CPXM2: variants seen among roughly 807,000 people sequenced by gnomAD.
The protein encoded by CPXM2 is inactive carboxypeptidase-like protein X2.
CPXM2 carries 66 observed loss-of-function variants against 86.1 expected under a neutral mutation model. That is an observed-to-expected ratio of 0.77 (90% CI 0.63 to 0.94). The LOEUF is 0.94. Ranked by LOEUF, CPXM2 falls within the 40% of genes least tolerant of loss-of-function variation. CPXM2 has a pLI of 0.00. For missense variants in CPXM2, 948 were observed against 1,026.3 expected, an observed-to-expected ratio of 0.92 and a Z score of 1.04; for synonymous variants, 388 against 400.2, an observed-to-expected ratio of 0.97 and a Z score of 0.36.
At chr10:123,904,328 C>T (rs914868338) in intron 2 of CPXM2, among the ~76,000 whole-genome samples, 23 of 152,104 alleles carry the variant, frequency 1.5e-4, no homozygotes, top group African/African-American at 5.1e-4. Context: ...GACACGCAGG[C>T]GCAGTGGGTA....
At chr10:123,752,986 C>T (rs982234455) in intron 13 of CPXM2, among the ~76,000 whole-genome samples, 1 of 152,068 alleles carries the variant, frequency 6.6e-6, no homozygotes, top group Non-Finnish European at 1.5e-5. Context: ...AGACATGCCA[C>T]GGGGAAGGGA....
intron 2 of CPXM2, among the ~76,000 whole-genome samples, chr10:123,918,078 G>A (rs370104061): frequency 2.4e-4 from 37 of 152,286 alleles, no homozygotes; most frequent in African/African-American, 6.7e-4. Context: ...TATGGGCAGC[G>A]CATTCCAATC....
At chr10:123,794,734 CGTGT>C (rs142855432) in intron 6 of CPXM2, among the ~76,000 whole-genome samples, 1,557 of 141,256 alleles carry the variant, frequency 0.011, 12 homozygotes, top group Admixed American at 0.02. Flanking sequence ...TATTTAAGAC[CGTGT>C]GTGTGTGTGT....
chr10:123,785,077 C>T (rs1178265097), intron 6 of CPXM2, among the ~76,000 whole-genome samples: 1 of 152,210 alleles, frequency 6.6e-6, no homozygotes. Flanking sequence ...TCTTGAGCCC[C>T]TATGCTCAGG....
At chr10:123,872,170 C>A (rs750648130) in intron 2 of CPXM2, among the ~76,000 whole-genome samples, 1 of 152,108 alleles carries the variant, frequency 6.6e-6, no homozygotes, top group Non-Finnish European at 1.5e-5. Flanking sequence ...TGTGATCCAG[C>A]AATTCTTATA....
Position 123,761,896 on chromosome 10 carries a change from C to T in CPXM2, c.1753G>A (p.Ala585Thr), listed in dbSNP as rs145963968. 1 of 1,613,512 alleles carries T rather than the reference C, an allele frequency of 6.2e-7. No homozygotes were observed. The highest frequency in any genetic ancestry group is 8.5e-7 in the Non-Finnish European group (1 of 1,179,852). ...CTTCCAGCGACGGTGTGCCAGGAGGCCCCATTGACAGTGCCCTCCTCCTTC... is the reference window on the plus strand; with the variant it reads ...CTTCCAGCGACGGTGTGCCAGGAGGTCCCATTGACAGTGCCCTCCTCCTTC... The part of the protein sequence containing the change: ...FQKEEGTVNG[A>T]SWHTVAGSLN... Residue 585 changes from alanine (A) to threonine (T), a missense_variant, in exon 11 of 14, where the codon GCC becomes ACC. Ala to Thr is a moderately conservative substitution (Grantham distance 58). Coordinates refer to ENST00000241305, the MANE Select transcript of CPXM2 (RefSeq NM_198148.3).
chr10:123,748,122 T>C (rs1166558951), intron 13 of CPXM2, among the ~76,000 whole-genome samples: 2 of 151,976 alleles, frequency 1.3e-5, no homozygotes, highest in African/African-American at 4.8e-5. Context: ...TCCAAGTGAC[T>C]CTGTGATGCA....
At chr10:123,851,051 C>A (rs1183222379) in intron 3 of CPXM2, among the ~76,000 whole-genome samples, 2 of 152,146 alleles carry the variant, frequency 1.3e-5, no homozygotes, top group African/African-American at 4.8e-5. Context: ...GTCTGTGCAT[C>A]CTGTCTCATT....
chr10:123,805,649 A>T (rs1257213442), intron 4 of CPXM2, among the ~76,000 whole-genome samples: 1 of 152,172 alleles, frequency 6.6e-6, no homozygotes, highest in African/African-American at 2.4e-5. Context: ...TTCTATGTGC[A>T]CTTGAAAACA....
intron 4 of CPXM2, among the ~76,000 whole-genome samples, chr10:123,816,318 T>C (rs368471586): frequency 8.5e-5 from 13 of 152,284 alleles, no homozygotes; most frequent in Admixed American, 2.0e-4. Context: ...AACCCCCACA[T>C]TGGCTCCCTG....
chr10:123,904,388 G>A (rs1321484337), intron 2 of CPXM2, among the ~76,000 whole-genome samples: 1 of 152,148 alleles, frequency 6.6e-6, no homozygotes, highest in Non-Finnish European at 1.5e-5. Flanking sequence ...GCTATGTCCT[G>A]GAGCAGTCAC....
At chr10:123,940,681 G>A (rs1347826321), upstream of CPXM2, among the ~76,000 whole-genome samples, 6 of 152,286 alleles carry the variant, frequency 3.9e-5, no homozygotes, top group Non-Finnish European at 5.9e-5. Context: ...TTAAACCAAC[G>A]CTGAGTTGTT....
rs781144431 is a variant in CPXM2, at chr10:123,842,385, G to C, written c.617C>G (p.Thr206Ser). The C allele has an allele frequency of 3.1e-6, 5 of 1,614,158 alleles. No homozygotes were observed. In the African/African-American group the frequency reaches 4.0e-5, roughly 13 times the overall value. ...EVDARRLTRF[T>S]GVITQGRNSL... ...GTTCCTCCCTTGAGTGATGACACCAGTGAATCTGGTCAGGCGCCGAGCATC... is the reference window on the plus strand; with the variant it reads ...GTTCCTCCCTTGAGTGATGACACCACTGAATCTGGTCAGGCGCCGAGCATC... Residue 206 changes from threonine (T) to serine (S), a missense_variant, in exon 4 of 14, where the codon ACT becomes AGT. Thr to Ser is a moderately conservative substitution (Grantham distance 58, BLOSUM62 1). Transcript: ENST00000241305.
chr10:123,776,739 C>G (rs988133137), intron 7 of CPXM2: 1 of 152,116 alleles, frequency 6.6e-6, no homozygotes, highest in Non-Finnish European at 1.5e-5. Context: ...TCATCAAAAC[C>G]GTAGGAATTC....
rs1456721602 is a variant in CPXM2 at position 123,939,801 on chromosome 10, C to G, written n.120-270G>C. Among the ~76,000 whole-genome samples the G allele has an allele frequency of 2.6e-5, 4 of 152,276 alleles. No individual in the cohort carries two copies. In the East Asian group the frequency reaches 5.8e-4, roughly 22 times the overall value. On this transcript the variant is annotated intron_variant and non_coding_transcript_variant, in intron 1 of 19. Coordinates refer to the CPXM2 transcript ENST00000368854. Reference sequence around the variant, plus strand: ...TGCCATGAGAATCCCTGTCCCAGAGCCTGGGCGCACCCCAGATGTGCCTGA... The same window carrying G: ...TGCCATGAGAATCCCTGTCCCAGAGGCTGGGCGCACCCCAGATGTGCCTGA...
intron 2 of CPXM2, chr10:123,913,891 C>T: frequency 2.4e-6 from 1 of 416,558 alleles, no homozygotes; most frequent in Admixed American, 2.5e-5. Flanking sequence ...CCCTCCCAGG[C>T]TCTGGAAGCT....
chr10:123,808,089 G>A (rs1027189888), intron 4 of CPXM2, among the ~76,000 whole-genome samples: 5 of 151,884 alleles, frequency 3.3e-5, no homozygotes, highest in African/African-American at 4.9e-5. Context: ...TTACCACATT[G>A]CCCTCCAATC....
Position 123,926,181 on chromosome 10 carries a change from T to A in CPXM2, n.174+13296A>T, listed in dbSNP as rs146750513. On this transcript the variant is annotated intron_variant and non_coding_transcript_variant, in intron 2 of 19. Coordinates refer to the CPXM2 transcript ENST00000368854. Reference sequence around the variant, plus strand: ...TTGGCCAAAGTAAGTCTCCAGCCATTCCAAACCAAGGCAGTGAAGAAGTGG... The same window carrying A: ...TTGGCCAAAGTAAGTCTCCAGCCATACCAAACCAAGGCAGTGAAGAAGTGG... 9.1e-4 allele frequency among the ~76,000 whole-genome samples: 139 copies of A among 152,348 alleles called. 1 individual carries two copies. The highest frequency in any genetic ancestry group is 3.1e-3 in the African/African-American group (130 of 41,568).
chr10:123,783,425 G>A (rs1381669305), intron 6 of CPXM2, among the ~76,000 whole-genome samples: 2 of 152,200 alleles, frequency 1.3e-5, no homozygotes, highest in African/African-American at 4.8e-5. Context: ...TGTGACTCAG[G>A]AACACACTTC....
Sources: allele counts gnomAD v4.1 joint callset (sites outside exome capture counted in the v4.1 genomes callset), GRCh38; gene constraint gnomAD v4.1.1; transcripts MANE v1.5; gene names NCBI Gene and HGNC (gene_info 2026-07-23, HGNC 2026-07-21).